Variants in HLX observed in about 807,000 individuals in gnomAD.
HLX encodes H2.0 like homeobox.
Under a neutral mutation model 27.7 loss-of-function variants are expected in HLX, and 6 were observed. The ratio of observed to expected loss-of-function variants is 0.22; its 90% confidence interval spans 0.12 to 0.43. The LOEUF is 0.43. HLX is among the 20% of genes least tolerant of loss of function. The pLI is 1.00. For synonymous variants in HLX, 328 were observed against 293.8 expected (o/e 1.12, Z -1.19); for missense variants, 666 against 655.2 (o/e 1.02, Z -0.18).
intron 3 of HLX, chr1:220,883,512 G>A (rs1196945970): frequency 6.6e-6 from 1 of 152,492 alleles, no homozygotes; most frequent in Non-Finnish European, 1.5e-5. Flanking sequence ...GAGCCCCCAG[G>A]AGAATTTGTT....
In HLX at chr1:220,879,563, C is replaced by T. The variant is rs1216669718; in HGVS notation, c.-295C>T. The T allele has an allele frequency of 1.5e-5, 7 of 470,372 alleles. No individual in the cohort carries two copies. The highest frequency in any genetic ancestry group is 1.4e-4 in the African/African-American group (7 of 48,434). 29.1% of individuals were successfully genotyped at this position (470,372 alleles called of 1,614,324 possible). A position where few individuals can be genotyped will look rare whatever the true frequency, so the allele number is the denominator to read the frequency against. On this transcript the variant is annotated 5_prime_UTR_variant, in exon 1 of 4. Transcript: ENST00000366903. ...GGCTCCCGTCTCCCTGGCTCCCCCGCCCGCCCTGCGGCCCCAGCGCCCCTC... is the reference window on the plus strand; with the variant it reads ...GGCTCCCGTCTCCCTGGCTCCCCCGTCCGCCCTGCGGCCCCAGCGCCCCTC...
chr1:220,884,702 T>C lies in HLX; in HGVS notation c.1465T>C (p.Ter489GlnextTer69). Residue 489 changes from the stop codon to glutamine, a stop_lost, in exon 4 of 4, where the codon TAG becomes CAG. Coordinates refer to ENST00000366903, the MANE Select transcript of HLX (RefSeq NM_021958.4). The surrounding 1 kb of genome is among the most constrained non-coding windows in gnomAD (Gnocchi z 4.9). ...AGCCCAAGGCGCGCTTGGCTGCTTA[T>C]AGACTGTACTAGGGCGGAGGGGATC... ...EPAQGALGCL[*>Q] is the part of the protein sequence containing the mutation. 1 of 1,608,810 alleles carries C rather than the reference T, an allele frequency of 6.2e-7. No homozygotes were observed. The highest frequency in any genetic ancestry group is 8.5e-7 in the Non-Finnish European group (1 of 1,179,504).
chr1:220,880,258 A>C lies in HLX; in HGVS notation c.401A>C (p.Gln134Pro), dbSNP rs201006102. The C allele has an allele frequency of 1.9e-6, 3 of 1,613,206 alleles. No individual in the cohort carries two copies. Among genetic ancestry groups the C allele is most frequent in the Admixed American group, 1.7e-5 (1 of 59,944 alleles). The change falls in exon 1 of 4, where the codon CAG (glutamine) becomes CCG (proline). Residue 134 changes from glutamine (Q) to proline (P), a missense_variant. Coordinates refer to ENST00000366903, the MANE Select transcript of HLX (RefSeq NM_021958.4). ...CAACAACAGCAGCAGCAACAGCCGC[A>C]GCAGCAACAGCCTCCGCCTCCGCCC... ...PQQQQQQQQP[Q>P]QQQPPPPPRA...
rs1185736628 is a variant in HLX at position 220,879,588 on chromosome 1, C to T, written c.-270C>T. The T allele has an allele frequency of 2.2e-5, 11 of 504,736 alleles. No individual in the cohort carries two copies. The highest frequency in any genetic ancestry group is 1.2e-4 in the African/African-American group (6 of 49,114). The allele number at this position is 504,736 out of a possible 1,614,324, so 31.3% of individuals were successfully genotyped here. On this transcript the variant is annotated 5_prime_UTR_variant, in exon 1 of 4. Coordinates refer to ENST00000366903, the MANE Select transcript of HLX (RefSeq NM_021958.4). Reference sequence around the variant, plus strand: ...CCCGCCCTGCGGCCCCAGCGCCCCTCGCTCTCATCCAGCCCGCGAGGAGTG... The same window carrying T: ...CCCGCCCTGCGGCCCCAGCGCCCCTTGCTCTCATCCAGCCCGCGAGGAGTG...
chr1:220,881,359 A>G lies in HLX; in HGVS notation c.758A>G (p.Gln253Arg). The G allele has an allele frequency of 6.2e-7, 1 of 1,614,066 alleles. No homozygotes were observed. The highest frequency in any genetic ancestry group is 8.5e-7 in the Non-Finnish European group (1 of 1,179,870). ...NPRNSVQHQFQDTFPGPYAVL... is the reference protein window; with the variant it reads ...NPRNSVQHQFRDTFPGPYAVL... ...AGAAATTCAGTTCAGCATCAGTTCCAAGACACGTTTCCAGGTACGGAAAAA... is the reference window on the plus strand; with the variant it reads ...AGAAATTCAGTTCAGCATCAGTTCCGAGACACGTTTCCAGGTACGGAAAAA... Residue 253 changes from glutamine (Q) to arginine (R), a missense_variant, in exon 2 of 4, where the codon CAA becomes CGA. Physicochemically the swap from Gln to Arg is conservative, Grantham distance 43. Coordinates refer to ENST00000366903, the MANE Select transcript of HLX (RefSeq NM_021958.4).
In HLX at chr1:220,884,120, C is replaced by A. The variant is rs1674516090; in HGVS notation, c.958-75C>A. On this transcript the variant is annotated intron_variant, in intron 3 of 3. Transcript: ENST00000366903. The surrounding 1 kb of genome is among the most constrained non-coding windows in gnomAD (Gnocchi z 4.9). ...CACTCAGGGAGGTGGCTTGAGGGTG[C>A]ACGCGAGTCGGATAGGAGCAAACCT... 6.8e-7 allele frequency: 1 copy of A among 1,462,330 alleles called. No individual in the cohort carries two copies. Among genetic ancestry groups the A allele is most frequent in the Non-Finnish European group, 9.6e-7 (1 of 1,046,770 alleles). 90.6% of individuals were successfully genotyped at this position (1,462,330 alleles called of 1,614,324 possible). A position where few individuals can be genotyped will look rare whatever the true frequency, so the allele number is the denominator to read the frequency against.
chr1:220,883,011 A>T (rs1468718183), intron 3 of HLX: 1 of 152,192 alleles, frequency 6.6e-6, no homozygotes, highest in Non-Finnish European at 1.5e-5. Flanking sequence ...GCCTATTTGA[A>T]TTTTTTCAAG....
intron 1 of HLX, 170 bp from the exon 2 acceptor site, chr1:220,881,024 G>A (rs923512323): frequency 4.6e-6 from 3 of 655,108 alleles, no homozygotes; most frequent in African/African-American, 3.6e-5. Context: ...CTTTTCGTGC[G>A]TCGCTCCTTG....
intron 2 of HLX, 46 bp downstream of exon 2, chr1:220,881,419 C>G (rs17597773): frequency 0.24 from 363,406 of 1,520,454 alleles, 44,862 homozygotes; most frequent in Admixed American, 0.3. Context: ...AGCCGACTAA[C>G]AGTCAGAAAT....
In HLX at chr1:220,884,533, T is replaced by C. The variant is rs931332553; in HGVS notation, c.1296T>C (p.Asn432=). ...GSGGSSGGGG[N]SFSFSSASSL... ...GTGGGAGCAGCGGCGGCGGCGGCAA[T>C]AGTTTCAGCTTCAGCAGCGCCAGCA... The change falls in exon 4 of 4, where the codon AAT becomes AAC. Residue 432 remains asparagine (N), a synonymous_variant. Coordinates refer to ENST00000366903, the MANE Select transcript of HLX (RefSeq NM_021958.4). This position sits in a 1 kb window ranked among gnomAD's most constrained non-coding sequence, Gnocchi z 4.9. 8 of 1,610,364 alleles carry C rather than the reference T, an allele frequency of 5.0e-6. No individual in the cohort carries two copies. Among genetic ancestry groups the C allele is most frequent in the Admixed American group, 1.7e-5 (1 of 59,430 alleles).
intron 1 of HLX, 42 bp downstream of exon 1, chr1:220,880,491 C>T (rs766145254): frequency 3.1e-6 from 5 of 1,610,118 alleles, no homozygotes; most frequent in Non-Finnish European, 2.5e-6. Context: ...GACCACTGAC[C>T]CACTCCCCGG....
At position 220,884,330 on chromosome 1, in the gene HLX, A is replaced by G; in HGVS notation, c.1093A>G (p.Arg365Gly). 2 of 1,613,736 alleles carry G rather than the reference A, an allele frequency of 1.2e-6. No homozygotes were observed. The highest frequency in any genetic ancestry group is 1.7e-6 in the Non-Finnish European group (2 of 1,179,888). ...GGCTGCGGATGGCGAGCAGGACGAG[A>G]GGAGCCCCAGCCGTTCTGAAGGCGA... ...APAADGEQDE[R>G]SPSRSEGEAE... The change falls in exon 4 of 4, where the codon AGG becomes GGG. Residue 365 changes from arginine (R) to glycine (G), a missense_variant. Coordinates refer to ENST00000366903, the MANE Select transcript of HLX (RefSeq NM_021958.4). The surrounding 1 kb of genome is among the most constrained non-coding windows in gnomAD (Gnocchi z 4.9).
At position 220,879,771 on chromosome 1, in the gene HLX, C is replaced by T; in HGVS notation, c.-87C>T. On this transcript the variant is annotated 5_prime_UTR_variant, in exon 1 of 4. Coordinates refer to ENST00000366903, the MANE Select transcript of HLX (RefSeq NM_021958.4). ...GCGGATCGTCCTCGGCTGCCGCCGC[C>T]TTCTCCGGGACTCGCGCGCCCCTCC... 1 of 1,457,704 alleles carries T rather than the reference C, an allele frequency of 6.9e-7. No individual in the cohort carries two copies. The highest frequency in any genetic ancestry group is 9.0e-7 in the Non-Finnish European group (1 of 1,112,898). 90.3% of individuals were successfully genotyped at this position (1,457,704 alleles called of 1,614,324 possible). A position where few individuals can be genotyped will look rare whatever the true frequency, so the allele number is the denominator to read the frequency against.
At chr1:220,883,090 C>T (rs187902366) in intron 3 of HLX, 1 of 151,916 alleles carries the variant, frequency 6.6e-6, no homozygotes, top group Admixed American at 6.6e-5. Flanking sequence ...TGGGCTTCCC[C>T]ACCCCCCACC....
At chr1:220,881,633 T>C in intron 2 of HLX, 2 of 561,606 alleles carry the variant, frequency 3.6e-6, no homozygotes, top group Non-Finnish European at 6.4e-6. Context: ...TTTCTCGAAG[T>C]CTTTTCGCCC....
chr1:220,882,442 C>A, intron 3 of HLX, 94 bp downstream of exon 3: 1 of 1,166,972 alleles, frequency 8.6e-7, no homozygotes, highest in Admixed American at 2.0e-5. Context: ...GCCGACTGGC[C>A]TCCTGCGGTG....
chr1:220,881,601 C>A, intron 2 of HLX: 1 of 595,914 alleles, frequency 1.7e-6, no homozygotes, highest in Middle Eastern at 4.5e-4. Context: ...AAAGTGTGTG[C>A]GTGGACGGTG....
At chr1:220,880,496 C>T (rs765294625) in intron 1 of HLX, 47 bp downstream of exon 1, 3 of 1,602,282 alleles carry the variant, frequency 1.9e-6, no homozygotes, top group East Asian at 2.2e-5. Flanking sequence ...CTGACCCACT[C>T]CCCGGACCCC....
chr1:220,881,415 C>T, intron 2 of HLX, 42 bp downstream of exon 2: 1 of 1,548,614 alleles, frequency 6.5e-7, no homozygotes, highest in African/African-American at 1.4e-5. Flanking sequence ...GGCGAGCCGA[C>T]TAACAGTCAG....
Sources: gnomAD v4.1 joint callset for allele counts on GRCh38, gnomAD v4.1.1 for gene constraint, Gnocchi (gnomAD v3.1) non-coding constraint, MANE v1.5 for transcripts, NCBI Gene and HGNC (gene_info 2026-07-23, HGNC 2026-07-21) for gene names.